MSRA: variants seen among roughly 807,000 people sequenced by gnomAD.
MSRA encodes mitochondrial peptide methionine sulfoxide reductase.
A neutral mutation model predicts 31.3 loss-of-function variants in MSRA; 54 were observed. The observed-to-expected ratio is 1.73, with a 90% CI of 1.39 to 2.17. MSRA has a LOEUF of 2.17. MSRA is among the 30% of genes most tolerant of loss of function. The pLI, the probability that MSRA is intolerant of heterozygous loss-of-function variation, is 0.00. For synonymous variants in MSRA, 169 were observed against 116.5 expected, an observed-to-expected ratio of 1.45 and a Z score of -2.90; for missense variants, 507 against 300.9, an observed-to-expected ratio of 1.69 and a Z score of -5.07.
chr8:10,132,150 C>CT (rs1801940865), intron 1 of MSRA, among the ~76,000 whole-genome samples: 1 of 152,170 alleles, frequency 6.6e-6, no homozygotes, highest in Admixed American at 6.5e-5. Context: ...CTGAACCGTG[C>CT]TTTTCAATGA....
chr8:10,378,429 G>A (rs550784582), intron 5 of MSRA, among the ~76,000 whole-genome samples: 5 of 152,298 alleles, frequency 3.3e-5, no homozygotes, highest in South Asian at 4.1e-4. Context: ...TAATCCCCTG[G>A]TGATAATTCT....
chr8:10,259,900 C>A (rs575986400), intron 3 of MSRA, among the ~76,000 whole-genome samples: 179 of 152,332 alleles, frequency 1.2e-3, no homozygotes, highest in African/African-American at 4.2e-3. Context: ...CGCCTCACCC[C>A]CTCTGTAGGC....
At chr8:10,283,046 T>G (rs1799706549) in intron 3 of MSRA, among the ~76,000 whole-genome samples, 1 of 151,970 alleles carries the variant, frequency 6.6e-6, no homozygotes, top group Non-Finnish European at 1.5e-5. Context: ...AGAGCTTCCT[T>G]AAACCTGGTC....
At chr8:10,281,153 T>C (rs1036581789) in intron 3 of MSRA, among the ~76,000 whole-genome samples, 1 of 152,226 alleles carries the variant, frequency 6.6e-6, no homozygotes, top group Non-Finnish European at 1.5e-5. Context: ...TTGTATAGTA[T>C]GTGAATTTCA....
rs1409562459 is a variant in MSRA, at chr8:10,208,041, T to C, written c.211+140T>C. ...CAAGTTGTTACAGCCAAGAAAACTA[T>C]TGAGTTCCTAGTAATTTCTGGGGTT... On this transcript the variant is annotated intron_variant, in intron 2 of 5. Transcript: ENST00000317173. 1.5e-5 allele frequency: 9 copies of C among 607,718 alleles called. No homozygotes were observed. In the East Asian group the frequency reaches 2.6e-4, roughly 17 times the overall value. The allele number at this position is 607,718 out of a possible 1,614,324, so 37.6% of individuals were successfully genotyped here.
chr8:10,240,876 A>T (rs1812355298), intron 2 of MSRA, among the ~76,000 whole-genome samples: 2 of 139,354 alleles, frequency 1.4e-5, no homozygotes, highest in African/African-American at 5.2e-5. Context: ...CTCTGCCCCC[A>T]GCTGGTTTTA....
chr8:10,098,308 C>T (rs1031924189), intron 1 of MSRA, among the ~76,000 whole-genome samples: 10 of 152,106 alleles, frequency 6.6e-5, no homozygotes, highest in African/African-American at 1.9e-4. Flanking sequence ...GGCAGAAATG[C>T]GTTAATATTT....
chr8:10,271,989 T>G (rs369012510), intron 3 of MSRA, among the ~76,000 whole-genome samples: 1 of 152,240 alleles, frequency 6.6e-6, no homozygotes, highest in Non-Finnish European at 1.5e-5. Context: ...ATTACAGGCG[T>G]GAGCCACTGT....
At chr8:10,244,982 T>C (rs939091237) in intron 2 of MSRA, 122 bp from the exon 3 acceptor site, 44 of 683,758 alleles carry the variant, frequency 6.4e-5, no homozygotes, top group Middle Eastern at 3.8e-4. Flanking sequence ...TAGTCATTTT[T>C]GGTTATCAAA....
intron 1 of MSRA, among the ~76,000 whole-genome samples, chr8:10,150,809 C>T (rs935537210): frequency 1.3e-5 from 2 of 152,220 alleles, no homozygotes; most frequent in South Asian, 2.1e-4. Flanking sequence ...CTGCATGTCC[C>T]TTCCCTGCAC....
intron 1 of MSRA, among the ~76,000 whole-genome samples, chr8:10,179,020 A>T (rs1806308357): frequency 6.6e-6 from 1 of 152,164 alleles, no homozygotes. Context: ...TGCTCTGTTG[A>T]TTCGTGAGCA....
chr8:10,351,380 G>A (rs1316092418), intron 5 of MSRA, among the ~76,000 whole-genome samples: 5 of 149,630 alleles, frequency 3.3e-5, no homozygotes, highest in Non-Finnish European at 5.9e-5. Flanking sequence ...CAGCCTCCCA[G>A]GCATCTGGGA....
At chr8:10,318,053 C>T (rs1046613761) in intron 4 of MSRA, among the ~76,000 whole-genome samples, 1 of 152,206 alleles carries the variant, frequency 6.6e-6, no homozygotes, top group Non-Finnish European at 1.5e-5. Flanking sequence ...GGGCCTTGGG[C>T]TGGGATGCCC....
At chr8:10,275,437 A>T (rs951668177) in intron 3 of MSRA, among the ~76,000 whole-genome samples, 6 of 152,194 alleles carry the variant, frequency 3.9e-5, no homozygotes, top group Non-Finnish European at 8.8e-5. Context: ...TTCTTTTCTG[A>T]CACATGGGAA....
At chr8:10,382,145 C>G (rs1289158473) in intron 5 of MSRA, among the ~76,000 whole-genome samples, 3 of 152,222 alleles carry the variant, frequency 2.0e-5, no homozygotes, top group Non-Finnish European at 4.4e-5. Flanking sequence ...GCTGTTGCAG[C>G]TGCAGGCCTT....
intron 3 of MSRA, among the ~76,000 whole-genome samples, chr8:10,295,367 G>T (rs1055224748): frequency 6.6e-6 from 1 of 151,930 alleles, no homozygotes. Context: ...AAGCCTCTCC[G>T]GAAGGCACAG....
chr8:10,153,780 G>T (rs939763299), intron 1 of MSRA, among the ~76,000 whole-genome samples: 8 of 152,144 alleles, frequency 5.3e-5, no homozygotes, highest in East Asian at 1.9e-4. Flanking sequence ...CCGTGCAACA[G>T]CTTCAGAAAA....
At chr8:10,112,061 A>G (rs1800331596) in intron 1 of MSRA, among the ~76,000 whole-genome samples, 1 of 150,016 alleles carries the variant, frequency 6.7e-6, no homozygotes, top group Admixed American at 6.7e-5. Context: ...TTTAAATTCC[A>G]TTTGTTAATC....
chr8:10,163,025 C>G (rs7007046), intron 1 of MSRA, among the ~76,000 whole-genome samples: 1 of 151,818 alleles, frequency 6.6e-6, no homozygotes, highest in Non-Finnish European at 1.5e-5. Flanking sequence ...TGATTTGTTA[C>G]GAGAGTGCGA....
Sources: allele counts gnomAD v4.1 joint callset (sites outside exome capture counted in the v4.1 genomes callset), GRCh38; gene constraint gnomAD v4.1.1; transcripts MANE v1.5; gene names NCBI Gene and HGNC (gene_info 2026-07-23, HGNC 2026-07-21).